CORO1C: variants seen among roughly 807,000 people sequenced by gnomAD.
CORO1C encodes coronin-1C.
In CORO1C, 14 loss-of-function variants were observed where a neutral mutation model predicts 51.2. The ratio of observed to expected loss-of-function variants is 0.27; its 90% confidence interval spans 0.18 to 0.43. CORO1C has a LOEUF of 0.43. Ranked by LOEUF, CORO1C falls within the 20% of genes least tolerant of loss-of-function variation. CORO1C has a pLI of 1.00. For missense variants in CORO1C, 417 were observed against 607.8 expected, an observed-to-expected ratio of 0.69 and a Z score of 3.30; for synonymous variants, 181 against 210.5, an observed-to-expected ratio of 0.86 and a Z score of 1.21.
At chr12:108,683,203 A>C (rs1292886075) in intron 2 of CORO1C, among the ~76,000 whole-genome samples, 1 of 152,162 alleles carries the variant, frequency 6.6e-6, no homozygotes, top group Non-Finnish European at 1.5e-5. Context: ...GCAGATCATG[A>C]GGTTAGGAGT....
chr12:108,714,453 A>AAC (rs371902389), intron 1 of CORO1C, among the ~76,000 whole-genome samples: 57 of 150,922 alleles, frequency 3.8e-4, no homozygotes, highest in African/African-American at 1.2e-3. Context: ...AAACACTAGA[A>AAC]ACACACACAC....
In CORO1C at chr12:108,662,292, T is replaced by C. The variant is rs1378949908; in HGVS notation, c.319-134A>G. The C allele has an allele frequency of 1.0e-5, 8 of 775,112 alleles. No individual in the cohort carries two copies. The East Asian group carries it at 1.8e-4, about 18-fold the overall frequency. 48.0% of individuals were successfully genotyped at this position (775,112 alleles called of 1,614,324 possible). A position where few individuals can be genotyped will look rare whatever the true frequency, so the allele number is the denominator to read the frequency against. On this transcript the variant is annotated intron_variant, in intron 3 of 10. Coordinates refer to ENST00000261401, the MANE Select transcript of CORO1C (RefSeq NM_014325.4). ...AGTGATATCTGGATGAAAGGCAGAATGTTGTGAAATGACCGTGTTAGGCGG... is the reference window on the plus strand; with the variant it reads ...AGTGATATCTGGATGAAAGGCAGAACGTTGTGAAATGACCGTGTTAGGCGG...
chr12:108,712,821 A>G (rs990142032), intron 1 of CORO1C, among the ~76,000 whole-genome samples: 1 of 151,046 alleles, frequency 6.6e-6, no homozygotes, highest in Non-Finnish European at 1.5e-5. Flanking sequence ...GTCTCTAAGA[A>G]GGCTGATGCA....
At chr12:108,700,012 T>C (rs1374898052) in intron 2 of CORO1C, among the ~76,000 whole-genome samples, 2 of 152,130 alleles carry the variant, frequency 1.3e-5, no homozygotes, top group South Asian at 2.1e-4. Flanking sequence ...ATTTTCCCAA[T>C]GAGAGTTTTC....
At chr12:108,724,573 T>A (rs185834967) in intron 1 of CORO1C, among the ~76,000 whole-genome samples, 65 of 152,264 alleles carry the variant, frequency 4.3e-4, no homozygotes, top group African/African-American at 1.3e-3. Context: ...GGTCCACAGA[T>A]GATCATCACA....
At position 108,658,027 on chromosome 12, in the gene CORO1C, A is replaced by T. The variant is rs2033100067; in HGVS notation, c.631-604T>A. Among the ~76,000 whole-genome samples, 1 of 152,146 alleles carries T rather than the reference A, an allele frequency of 6.6e-6. No individual in the cohort carries two copies. Among genetic ancestry groups the T allele is most frequent in the African/African-American group, 2.4e-5 (1 of 41,440 alleles). ...CTCAGGAAGGGCCTCAGAGTGTGGC[A>T]AATGAGGACTTCTCAGACTTACTAT... On this transcript the variant is annotated intron_variant, in intron 5 of 10. Coordinates refer to ENST00000261401, the MANE Select transcript of CORO1C (RefSeq NM_014325.4). The surrounding 1 kb of genome is among the most constrained non-coding windows in gnomAD (Gnocchi z 4.9).
chr12:108,718,810 C>A (rs1052857410), intron 1 of CORO1C, among the ~76,000 whole-genome samples: 3 of 152,124 alleles, frequency 2.0e-5, no homozygotes, highest in Non-Finnish European at 4.4e-5. Flanking sequence ...TAATAGAGTA[C>A]AAGAAACTAA....
intron 1 of CORO1C, among the ~76,000 whole-genome samples, chr12:108,714,591 T>A (rs1327642633): frequency 6.6e-6 from 1 of 150,376 alleles, no homozygotes; most frequent in East Asian, 2.0e-4. Context: ...CAAAACTCCA[T>A]CTCTACCAAA....
intron 6 of CORO1C, among the ~76,000 whole-genome samples, chr12:108,654,866 T>TATTTTTA (rs1486129493): frequency 1.4e-3 from 212 of 152,160 alleles, no homozygotes; most frequent in Middle Eastern, 0.01. Context: ...CCACCACCCG[T>TATTTTTA]GGCTAATTTT....
chr12:108,674,319 C>T (rs763476200), intron 3 of CORO1C, among the ~76,000 whole-genome samples: 1 of 152,218 alleles, frequency 6.6e-6, no homozygotes. Flanking sequence ...GAGGCCAAGG[C>T]GGGCGGATCG....
At chr12:108,682,290 C>T (rs1300927545) in intron 2 of CORO1C, among the ~76,000 whole-genome samples, 1 of 151,866 alleles carries the variant, frequency 6.6e-6, no homozygotes, top group Non-Finnish European at 1.5e-5. Flanking sequence ...CTAGATAAGA[C>T]AAGGCCTCTC....
chr12:108,716,942 G>C (rs1401585988), intron 1 of CORO1C, among the ~76,000 whole-genome samples: 1 of 152,258 alleles, frequency 6.6e-6, no homozygotes, highest in Non-Finnish European at 1.5e-5. Flanking sequence ...AGACATGAGA[G>C]ACACAACTGT....
chr12:108,728,418 CA>C (rs1479703942), intron 1 of CORO1C, among the ~76,000 whole-genome samples: 1 of 151,504 alleles, frequency 6.6e-6, no homozygotes. Context: ...GGGCAAGACA[CA>C]AAAGACCACA....
intron 2 of CORO1C, among the ~76,000 whole-genome samples, chr12:108,696,583 T>C (rs370508323): frequency 6.6e-5 from 10 of 152,278 alleles, no homozygotes; most frequent in Admixed American, 1.3e-4. Flanking sequence ...CACAGAGGGC[T>C]GAAAACCTGT....
At chr12:108,714,949 A>G (rs186686706) in intron 1 of CORO1C, among the ~76,000 whole-genome samples, 1 of 152,320 alleles carries the variant, frequency 6.6e-6, no homozygotes, top group East Asian at 1.9e-4. Flanking sequence ...TGAAGCAGAA[A>G]GCAGTGAGCG....
At chr12:108,722,408 G>C (rs1346288576) in intron 1 of CORO1C, among the ~76,000 whole-genome samples, 1 of 152,186 alleles carries the variant, frequency 6.6e-6, no homozygotes, top group African/African-American at 2.4e-5. Context: ...CAGACCTGGA[G>C]GGCTGCAGTG....
Position 108,660,973 on chromosome 12 carries a change from T to G in CORO1C, c.448+1056A>C, listed in dbSNP as rs188387975. On this transcript the variant is annotated intron_variant, in intron 4 of 10. Coordinates refer to ENST00000261401, the MANE Select transcript of CORO1C (RefSeq NM_014325.4). Reference sequence around the variant, plus strand: ...TTAAAAACTGAACTGCCCCTCCTCCTTTTTACTGGTGAGGGGAAAGACCTT... The same window carrying G: ...TTAAAAACTGAACTGCCCCTCCTCCGTTTTACTGGTGAGGGGAAAGACCTT... Among the ~76,000 whole-genome samples the G allele has an allele frequency of 2.6e-5, 4 of 152,322 alleles. No individual in the cohort carries two copies. In the East Asian group the frequency reaches 7.7e-4, roughly 29 times the overall value.
At chr12:108,686,990 C>T (rs566141998) in intron 2 of CORO1C, among the ~76,000 whole-genome samples, 5 of 152,296 alleles carry the variant, frequency 3.3e-5, no homozygotes, top group African/African-American at 1.2e-4. Context: ...TTCCAGCCAG[C>T]AACCTTCACC....
chr12:108,725,929 A>C (rs897958926), intron 1 of CORO1C, among the ~76,000 whole-genome samples: 2 of 152,034 alleles, frequency 1.3e-5, no homozygotes, highest in African/African-American at 2.4e-5. Flanking sequence ...TCTGCCTCCC[A>C]GGTTTCAAGC....
Sources: gnomAD v4.1 joint callset for allele counts (sites outside exome capture counted in the v4.1 genomes callset) on GRCh38, gnomAD v4.1.1 for gene constraint, Gnocchi (gnomAD v3.1) non-coding constraint, MANE v1.5 for transcripts, NCBI Gene and HGNC (gene_info 2026-07-23, HGNC 2026-07-21) for gene names.